ATP8A2: variants seen among roughly 807,000 people sequenced by gnomAD.
ATP8A2 encodes the protein ATPase phospholipid transporting 8A2.
ATP8A2 carries 100 observed loss-of-function variants against 165.6 expected under a neutral mutation model. The ratio of observed to expected loss-of-function variants is 0.60; its 90% CI spans 0.51 to 0.71. The LOEUF (loss-of-function observed/expected upper bound fraction) is 0.71, where lower values mean the gene tolerates loss of function less well. Among genes scored for constraint, ATP8A2 ranks in the 30% least tolerant of loss-of-function variants. ATP8A2 has a pLI of 0.00. For synonymous variants in ATP8A2, 543 were observed against 548.8 expected, an observed-to-expected ratio of 0.99 and a Z score of 0.15; for missense variants, 1,227 against 1,479.5, an observed-to-expected ratio of 0.83 and a Z score of 2.80.
chr13:25,813,193 C>T (rs1277161907), intron 27 of ATP8A2, among the ~76,000 whole-genome samples: 1 of 151,784 alleles, frequency 6.6e-6, no homozygotes, highest in Non-Finnish European at 1.5e-5. Context: ...GCACATCCTG[C>T]GCATGTACCC....
chr13:25,878,882 A>G (rs1293260740), intron 33 of ATP8A2, among the ~76,000 whole-genome samples: 2 of 151,000 alleles, frequency 1.3e-5, no homozygotes, highest in Non-Finnish European at 3.0e-5. Flanking sequence ...CTGCCTTCCC[A>G]CTCTCTCTCC....
chr13:25,918,984 C>T (rs1220914077), intron 33 of ATP8A2, among the ~76,000 whole-genome samples: 4 of 152,210 alleles, frequency 2.6e-5, no homozygotes, highest in African/African-American at 2.4e-5. Flanking sequence ...GGCAGAGATA[C>T]AACACATGTG....
chr13:25,822,310 T>C (rs1210666872), intron 27 of ATP8A2, among the ~76,000 whole-genome samples: 2 of 152,218 alleles, frequency 1.3e-5, no homozygotes, highest in Non-Finnish European at 2.9e-5. Context: ...TTGAATATTA[T>C]GTGATTAGAG....
At chr13:25,867,860 T>C (rs959202693) in intron 33 of ATP8A2, 2 of 212,648 alleles carry the variant, frequency 9.4e-6, no homozygotes, top group Non-Finnish European at 2.0e-5. Flanking sequence ...AGAATCCTAC[T>C]ATAGCCTGAA....
chr13:25,977,377 C>CG (rs1347010824), intron 35 of ATP8A2, among the ~76,000 whole-genome samples: 1 of 152,066 alleles, frequency 6.6e-6, no homozygotes, highest in Admixed American at 6.6e-5. Context: ...GACAAATACT[C>CG]GCGACAGGTG....
rs558790305 is a variant in ATP8A2, at chr13:25,772,313, T to C, written c.2569-2536T>C. On this transcript the variant is annotated intron_variant, in intron 26 of 36. Coordinates refer to ENST00000381655, the MANE Select transcript of ATP8A2 (RefSeq NM_016529.6). ...TTTTTTTCCTGAAAACAAATCACTG[T>C]AGTGCTCAAGTTGAGGCATTCAGGA... is the stretch of plus-strand genomic sequence containing the variant. Among the ~76,000 whole-genome samples the C allele has an allele frequency of 3.9e-4, 59 of 152,228 alleles. 1 individual carries two copies. The South Asian group carries it at 5.4e-3, about 14-fold the overall frequency.
chr13:25,690,854 T>G (rs7318254), intron 24 of ATP8A2, among the ~76,000 whole-genome samples: 8 of 152,046 alleles, frequency 5.3e-5, no homozygotes, highest in Non-Finnish European at 1.2e-4. Context: ...GATTTCTACC[T>G]AAGAGTAATA....
intron 25 of ATP8A2, among the ~76,000 whole-genome samples, chr13:25,762,097 A>G (rs1477719385): frequency 1.3e-5 from 2 of 151,952 alleles, no homozygotes; most frequent in African/African-American, 2.4e-5. Flanking sequence ...CTCTGTCTCT[A>G]TGAAAAATAC....
intron 25 of ATP8A2, among the ~76,000 whole-genome samples, chr13:25,712,109 G>GGATGTAACTATA (rs1254647477): frequency 6.6e-6 from 1 of 152,182 alleles, no homozygotes; most frequent in Non-Finnish European, 1.5e-5. Flanking sequence ...ATAGTGTACA[G>GGATGTAACTATA]GGCTATAGGA....
At chr13:25,964,367 A>G (rs1955727770) in intron 34 of ATP8A2, among the ~76,000 whole-genome samples, 1 of 152,110 alleles carries the variant, frequency 6.6e-6, no homozygotes, top group African/African-American at 2.4e-5. Context: ...TTATTGGTGC[A>G]TTTTCCCTTT....
chr13:25,526,642 G>A (rs1199106038), intron 2 of ATP8A2, among the ~76,000 whole-genome samples: 1 of 152,192 alleles, frequency 6.6e-6, no homozygotes, highest in Non-Finnish European at 1.5e-5. Context: ...AGGTGAATTA[G>A]GGGTTTGTGC....
chr13:25,384,952 G>A (rs866448115), intron 1 of ATP8A2, among the ~76,000 whole-genome samples: 2 of 152,132 alleles, frequency 1.3e-5, no homozygotes, highest in South Asian at 2.1e-4. Context: ...GACATGCCCC[G>A]GGTTGGGCTG....
chr13:25,734,945 A>C (rs777429024), intron 25 of ATP8A2, among the ~76,000 whole-genome samples: 12 of 151,946 alleles, frequency 7.9e-5, no homozygotes, highest in Non-Finnish European at 1.5e-4. Context: ...GGCCGTGATA[A>C]GGTGTCTAAT....
chr13:25,389,959 A>G (rs2033185853), intron 1 of ATP8A2, among the ~76,000 whole-genome samples: 1 of 151,984 alleles, frequency 6.6e-6, no homozygotes, highest in Non-Finnish European at 1.5e-5. Context: ...AGAAGAGGAC[A>G]CAAGTTAGGT....
chr13:25,527,165 G>A (rs1394180672), intron 2 of ATP8A2, among the ~76,000 whole-genome samples: 2 of 152,046 alleles, frequency 1.3e-5, no homozygotes, highest in Non-Finnish European at 2.9e-5. Flanking sequence ...TTGCTTCCAC[G>A]CCACCATTTT....
At chr13:25,803,684 A>T (rs1418961471) in intron 27 of ATP8A2, among the ~76,000 whole-genome samples, 1 of 152,236 alleles carries the variant, frequency 6.6e-6, no homozygotes, top group Non-Finnish European at 1.5e-5. Context: ...AAACTGACTC[A>T]GATGTTACCA....
At chr13:25,441,437 T>G (rs2034928834) in intron 1 of ATP8A2, among the ~76,000 whole-genome samples, 1 of 152,172 alleles carries the variant, frequency 6.6e-6, no homozygotes, top group South Asian at 2.1e-4. Flanking sequence ...GACAGTGATT[T>G]ATATCAAATC....
intron 35 of ATP8A2, 58 bp downstream of exon 35, chr13:25,968,737 A>G: frequency 1.5e-6 from 2 of 1,342,102 alleles, no homozygotes; most frequent in South Asian, 1.2e-5. Flanking sequence ...CTTTTCCCTT[A>G]TTCCTTCCTG....
intron 25 of ATP8A2, among the ~76,000 whole-genome samples, chr13:25,751,894 T>A (rs2044159556): frequency 6.6e-6 from 1 of 150,856 alleles, no homozygotes; most frequent in Admixed American, 6.7e-5. Flanking sequence ...TATCACTGCA[T>A]GTATATGTAT....
Sources: gnomAD v4.1 joint callset for allele counts (sites outside exome capture counted in the v4.1 genomes callset) on GRCh38, gnomAD v4.1.1 for gene constraint, MANE v1.5 for transcripts, NCBI Gene and HGNC (gene_info 2026-07-23, HGNC 2026-07-21) for gene names.